The following TMEM273 variants were observed in gnomAD, a reference collection of about 807,000 sequenced individuals.
The protein encoded by TMEM273 is transmembrane protein 273.
Under a neutral mutation model 17.9 loss-of-function variants are expected in TMEM273, and 19 were observed. The observed-to-expected ratio is 1.06, with a 90% CI of 0.74 to 1.55. TMEM273 has a LOEUF of 1.55. TMEM273 is among the 40% of genes most tolerant of loss of function. TMEM273 has a pLI of 0.00. For missense variants in TMEM273, 194 were observed against 155.6 expected (o/e 1.25, Z -1.31); for synonymous variants, 66 against 62.0 (o/e 1.07, Z -0.31).
chr10:49,172,190 T>C (rs1846618477), intron 1 of TMEM273, among the ~76,000 whole-genome samples: 2 of 152,122 alleles, frequency 1.3e-5, no homozygotes. Context: ...CTTATTCTCC[T>C]AACAGGGCTC....
At chr10:49,180,863 C>G (rs7094833) in intron 1 of TMEM273, among the ~76,000 whole-genome samples, 42,369 of 152,102 alleles carry the variant, frequency 0.28, 7,482 homozygotes, top group East Asian at 0.63. Flanking sequence ...AGGAACAAAG[C>G]AAGAATATCT....
chr10:49,186,097 A>AAGAAGAAGAAGG lies in TMEM273; in HGVS notation c.43+2196_43+2197insCCTTCTTCTTCT, dbSNP rs1554850126. ...GAAGAAGAAGAAGAAGAAGAAGAAGAAGAAGAAGAAGAGGAAGAAGAAGAA... is the reference window on the plus strand; with the variant it reads ...GAAGAAGAAGAAGAAGAAGAAGAAGAAGAAGAAGAAGGAGAAGAAGAAGAGGAAGAAGAAGAA... On this transcript the variant is annotated intron_variant, in intron 1 of 6. Coordinates refer to ENST00000374153, the MANE Select transcript of TMEM273 (RefSeq NM_001288740.3). 3.7e-3 allele frequency among the ~76,000 whole-genome samples: 427 copies of AAGAAGAAGAAGG among 116,804 alleles called. 5 individuals are homozygous for AAGAAGAAGAAGG. The highest frequency in any genetic ancestry group is 6.7e-3 in the East Asian group (16 of 2,374). The allele number at this position is 116,804 out of a possible 152,430, so 76.6% of individuals were successfully genotyped here.
intron 1 of TMEM273, among the ~76,000 whole-genome samples, chr10:49,181,041 T>G (rs1847310863): frequency 6.6e-6 from 1 of 152,204 alleles, no homozygotes; most frequent in South Asian, 2.1e-4. Flanking sequence ...ATAACTCTCT[T>G]TAGAGTATGT....
chr10:49,163,480 G>A (rs1201735840), intron 5 of TMEM273, among the ~76,000 whole-genome samples: 1 of 152,154 alleles, frequency 6.6e-6, no homozygotes, highest in East Asian at 1.9e-4. Flanking sequence ...CCGGGGCCTG[G>A]ACACTTCACA....
intron 6 of TMEM273, among the ~76,000 whole-genome samples, chr10:49,158,281 T>G (rs890687032): frequency 4.6e-5 from 7 of 152,078 alleles, no homozygotes; most frequent in Non-Finnish European, 8.8e-5. Context: ...CAACCCCAAT[T>G]TAAATACCAG....
At chr10:49,185,481 G>C (rs951911888) in intron 1 of TMEM273, among the ~76,000 whole-genome samples, 1 of 152,096 alleles carries the variant, frequency 6.6e-6, no homozygotes, top group Non-Finnish European at 1.5e-5. Flanking sequence ...CCATCTGCCA[G>C]TAGATTGCAC....
At chr10:49,156,132 C>T (rs529685447) in intron 6 of TMEM273, 4 of 1,535,526 alleles carry the variant, frequency 2.6e-6, no homozygotes, top group African/African-American at 2.8e-5. Flanking sequence ...GCCTGCCAAA[C>T]CCAAGGCAAA....
intron 1 of TMEM273, among the ~76,000 whole-genome samples, chr10:49,180,810 C>T (rs72789097): frequency 0.16 from 23,896 of 152,196 alleles, 2,261 homozygotes; most frequent in Non-Finnish European, 0.23. Flanking sequence ...ACAGCTATAA[C>T]CAAACTTCAT....
chr10:49,179,610 T>TA (rs1156333587), intron 1 of TMEM273, among the ~76,000 whole-genome samples: 3 of 152,050 alleles, frequency 2.0e-5, no homozygotes, highest in African/African-American at 4.8e-5. Flanking sequence ...AATATTATAT[T>TA]AAAAAAACAA....
chr10:49,186,068 GGAAGAAGAA>G (rs35480919), intron 1 of TMEM273, among the ~76,000 whole-genome samples: 41 of 67,088 alleles, frequency 6.1e-4, no homozygotes, highest in African/African-American at 2.0e-3. Flanking sequence ...AAGAAGAAGA[GGAAGAAGAA>G]GAAGAAGAAG....
chr10:49,171,128 C>A (rs1846538976), intron 1 of TMEM273, among the ~76,000 whole-genome samples: 1 of 152,218 alleles, frequency 6.6e-6, no homozygotes, highest in African/African-American at 2.4e-5. Context: ...AGCTTGGCAC[C>A]CACAGGAGAG....
chr10:49,173,779 T>C (rs1398438396), intron 1 of TMEM273, among the ~76,000 whole-genome samples: 3 of 152,092 alleles, frequency 2.0e-5, no homozygotes, highest in East Asian at 3.8e-4. Context: ...AAACCAGAAA[T>C]GGCTTGAAGA....
intron 5 of TMEM273, among the ~76,000 whole-genome samples, chr10:49,164,582 T>C (rs963078087): frequency 6.6e-6 from 1 of 152,212 alleles, no homozygotes; most frequent in African/African-American, 2.4e-5. Flanking sequence ...TGTACATGCA[T>C]AGAAACTACC....
chr10:49,170,743 A>G (rs1270801390), intron 1 of TMEM273, among the ~76,000 whole-genome samples: 2 of 152,032 alleles, frequency 1.3e-5, no homozygotes, highest in Non-Finnish European at 2.9e-5. Flanking sequence ...AAATCCCTCC[A>G]TGCAGCCCTC....
chr10:49,184,749 G>T (rs1177362686), intron 1 of TMEM273, among the ~76,000 whole-genome samples: 1 of 152,218 alleles, frequency 6.6e-6, no homozygotes, highest in Non-Finnish European at 1.5e-5. Flanking sequence ...CCTGCCAGGG[G>T]TGTCTGCTAG....
chr10:49,163,288 CAT>C (rs1491162579), intron 5 of TMEM273, among the ~76,000 whole-genome samples: 1 of 146,440 alleles, frequency 6.8e-6, no homozygotes, highest in African/African-American at 2.6e-5. Flanking sequence ...TGAATATGTG[CAT>C]GTGTGTGTGT....
chr10:49,188,201 T>C, intron 1 of TMEM273, 93 bp downstream of exon 1: 7 of 1,374,660 alleles, frequency 5.1e-6, no homozygotes, highest in Non-Finnish European at 5.2e-6. Context: ...CAGAGTTATG[T>C]TTTAGGGATC....
chr10:49,167,959 A>C lies in TMEM273; in HGVS notation c.47T>G (p.Val16Gly), dbSNP rs61748312. The C allele has an allele frequency of 6.2e-7, 1 of 1,613,926 alleles. No homozygotes were observed. The highest frequency in any genetic ancestry group is 1.7e-5 in the Admixed American group (1 of 60,012). ...TGTTGCCAGCACTTGAGCTCCTCCT[A>C]CATCTGCAAAGAAAGAAACCCCAGA... is the stretch of plus-strand genomic sequence containing the variant. Reference protein sequence around the residue: ...SMLRILFLLDVGGAQVLATGK... With the variant: ...SMLRILFLLDGGGAQVLATGK... Residue 16 changes from valine (V) to glycine (G), a missense_variant, in exon 2 of 7, where the codon GTA becomes GGA. Transcript: ENST00000374153.
rs1021404708 is a variant in TMEM273 at position 49,159,581 on chromosome 10, G to A, written c.372+2018C>T. On this transcript the variant is annotated intron_variant, in intron 6 of 6. Coordinates refer to ENST00000374153, the MANE Select transcript of TMEM273 (RefSeq NM_001288740.3). ...TATTGAGTGTGTAATTTAAATGCACGTTTCGTGACTCTGCCCATTGAAAGG... is the reference window on the plus strand; with the variant it reads ...TATTGAGTGTGTAATTTAAATGCACATTTCGTGACTCTGCCCATTGAAAGG... Among the ~76,000 whole-genome samples the A allele has an allele frequency of 4.6e-5, 7 of 152,174 alleles. No individual in the cohort carries two copies. The East Asian group carries it at 5.8e-4, about 13-fold the overall frequency.
Sources: gnomAD v4.1 joint callset for allele counts (sites outside exome capture counted in the v4.1 genomes callset) on GRCh38, gnomAD v4.1.1 for gene constraint, MANE v1.5 for transcripts, NCBI Gene and HGNC (gene_info 2026-07-23, HGNC 2026-07-21) for gene names.